Variants in CDH8 observed in about 807,000 individuals in gnomAD.
The protein encoded by CDH8 is cadherin-8.
CDH8 carries 17 observed loss-of-function variants against 68.1 expected under a neutral mutation model. That is an observed-to-expected ratio of 0.25 (90% CI 0.17 to 0.37). CDH8 has a LOEUF of 0.37. Ranked by LOEUF, CDH8 falls within the 10% of genes least tolerant of loss-of-function variation. The pLI is 1.00. For missense variants in CDH8, 763 were observed against 999.3 expected (o/e 0.76, Z 3.19); for synonymous variants, 372 against 365.1 (o/e 1.02, Z -0.21).
chr16:61,768,369 CCTT>C (rs1567461191), intron 8 of CDH8, among the ~76,000 whole-genome samples: 284 of 23,510 alleles, frequency 0.012, 11 homozygotes, highest in African/African-American at 0.017. Flanking sequence ...TCTCTCTCTC[CCTT>C]TCTCTCTCTC....
At chr16:61,742,850 T>C (rs66973714) in intron 8 of CDH8, among the ~76,000 whole-genome samples, 24,208 of 152,164 alleles carry the variant, frequency 0.16, 3,139 homozygotes, top group African/African-American at 0.36. Context: ...CTTTTACTTT[T>C]CTCTGTTGAA....
intron 2 of CDH8, among the ~76,000 whole-genome samples, chr16:62,015,302 C>T (rs1177182699): frequency 6.6e-6 from 1 of 152,028 alleles, no homozygotes. Context: ...AATATGTGTG[C>T]AAATATTCCA....
intron 7 of CDH8, among the ~76,000 whole-genome samples, chr16:61,795,493 A>G (rs1961475237): frequency 6.6e-6 from 1 of 152,136 alleles, no homozygotes; most frequent in African/African-American, 2.4e-5. Flanking sequence ...ATGTTCATCT[A>G]TAAATAGGAG....
rs866302351 is a variant in CDH8, at chr16:62,020,492, G to A, written c.252+660C>T. Among the ~76,000 whole-genome samples the A allele has an allele frequency of 2.3e-4, 20 of 85,586 alleles. 1 individual carries two copies. The South Asian group carries it at 5.1e-3, about 22-fold the overall frequency. 56.1% of individuals were successfully genotyped at this position (85,586 alleles called of 152,430 possible). On this transcript the variant is annotated intron_variant, in intron 2 of 11. Coordinates refer to ENST00000577390, the MANE Select transcript of CDH8 (RefSeq NM_001796.5). Reference sequence around the variant, plus strand: ...TAAGTCCAGTCTAACACACACACGCGCGCGCGCACACACACACACACACAC... The same window carrying A: ...TAAGTCCAGTCTAACACACACACGCACGCGCGCACACACACACACACACAC...
intron 2 of CDH8, among the ~76,000 whole-genome samples, chr16:61,920,951 G>A (rs1438690683): frequency 6.7e-6 from 1 of 148,366 alleles, no homozygotes; most frequent in East Asian, 2.0e-4. Context: ...CATGTCCTTT[G>A]TAGGGACATG....
chr16:62,020,406 A>G (rs999412796), intron 2 of CDH8, among the ~76,000 whole-genome samples: 14 of 152,278 alleles, frequency 9.2e-5, no homozygotes, highest in Admixed American at 9.2e-4. Context: ...TTTGGAAAGC[A>G]GGCAGCCCAT....
In CDH8 at chr16:61,653,851, A is replaced by G. The variant is rs1192368974; in HGVS notation, c.2157T>C (p.Val719=). The change falls in exon 12 of 12, where the codon GTT becomes GTC. Residue 719 remains valine (V), a synonymous_variant. Coordinates refer to ENST00000577390, the MANE Select transcript of CDH8 (RefSeq NM_001796.5). ...RQGLAPVPNG[V]DVDEFINVRL... ...TTACATTTATAAATTCATCGACATCAACACCATTTGGAACTGGAGCAAGCC... is the reference window on the plus strand; with the variant it reads ...TTACATTTATAAATTCATCGACATCGACACCATTTGGAACTGGAGCAAGCC... 1.2e-6 allele frequency: 2 copies of G among 1,614,122 alleles called. No individual in the cohort carries two copies. The highest frequency in any genetic ancestry group is 1.7e-6 in the Non-Finnish European group (2 of 1,180,036).
intron 2 of CDH8, among the ~76,000 whole-genome samples, chr16:61,920,969 T>C (rs1290468515): frequency 3.4e-5 from 5 of 147,308 alleles, no homozygotes; most frequent in South Asian, 2.2e-4. Flanking sequence ...ATGGATGAAA[T>C]TGGAAATCAT....
At chr16:61,768,376 C>CCCTT (rs1960678049) in intron 8 of CDH8, among the ~76,000 whole-genome samples, 1 of 105,344 alleles carries the variant, frequency 9.5e-6, no homozygotes, top group African/African-American at 4.3e-5. Context: ...CTCCCTTTCT[C>CCCTT]TCTCTCTCTC....
At chr16:61,660,497 G>A (rs1343274156) in intron 10 of CDH8, among the ~76,000 whole-genome samples, 1 of 151,924 alleles carries the variant, frequency 6.6e-6, no homozygotes, top group Admixed American at 6.6e-5. Flanking sequence ...CAACAAATGT[G>A]CAGTGAGTGT....
intron 8 of CDH8, among the ~76,000 whole-genome samples, chr16:61,782,565 C>A (rs1410743410): frequency 6.6e-6 from 1 of 151,778 alleles, no homozygotes; most frequent in Non-Finnish European, 1.5e-5. Flanking sequence ...AGCCAGGAAG[C>A]TCGAACTGGG....
At chr16:61,747,528 C>A (rs1026372299) in intron 8 of CDH8, among the ~76,000 whole-genome samples, 2 of 151,946 alleles carry the variant, frequency 1.3e-5, no homozygotes, top group Non-Finnish European at 2.9e-5. Flanking sequence ...AACAGAGATG[C>A]TGACAGGGAC....
intron 8 of CDH8, among the ~76,000 whole-genome samples, chr16:61,784,145 T>C (rs994787281): frequency 2.0e-5 from 3 of 151,550 alleles, no homozygotes; most frequent in Admixed American, 6.6e-5. Context: ...GACTGGCAAA[T>C]TGGATAAAGA....
intron 3 of CDH8, among the ~76,000 whole-genome samples, chr16:61,897,205 A>C (rs1963882605): frequency 6.6e-6 from 1 of 151,770 alleles, no homozygotes; most frequent in African/African-American, 2.4e-5. Context: ...AAATATATAC[A>C]TGTGTATGTA....
intron 1 of CDH8, among the ~76,000 whole-genome samples, chr16:62,021,905 C>A (rs920335678): frequency 1.2e-4 from 18 of 152,040 alleles, no homozygotes; most frequent in African/African-American, 4.3e-4. Flanking sequence ...TTCTTTTCTT[C>A]CTCTTGACTT....
At chr16:61,791,151 A>T (rs1961368101) in intron 7 of CDH8, among the ~76,000 whole-genome samples, 1 of 151,968 alleles carries the variant, frequency 6.6e-6, no homozygotes, top group African/African-American at 2.4e-5. Context: ...AATAAAAACT[A>T]AGACACTGAC....
intron 3 of CDH8, among the ~76,000 whole-genome samples, chr16:61,858,068 A>AACACAC (rs371499529): frequency 2.7e-5 from 4 of 148,864 alleles, no homozygotes; most frequent in African/African-American, 9.8e-5. Flanking sequence ...TAAATAATCA[A>AACACAC]ACACACACAC....
intron 1 of CDH8, chr16:62,034,964 C>T (rs895645101): frequency 1.3e-5 from 2 of 152,222 alleles, no homozygotes; most frequent in African/African-American, 2.4e-5. Flanking sequence ...CTTGACATGC[C>T]GCCGGCTCCG....
chr16:61,975,269 G>A (rs1965416568), intron 2 of CDH8, among the ~76,000 whole-genome samples: 2 of 152,112 alleles, frequency 1.3e-5, no homozygotes, highest in South Asian at 4.1e-4. Flanking sequence ...GAGAGAGAGA[G>A]AAATGTGAGC....
Sources: gnomAD v4.1 joint callset for allele counts (sites outside exome capture counted in the v4.1 genomes callset) on GRCh38, gnomAD v4.1.1 for gene constraint, MANE v1.5 for transcripts, NCBI Gene and HGNC (gene_info 2026-07-23, HGNC 2026-07-21) for gene names.